The following TNFRSF8 variants were observed in gnomAD, a reference collection of about 807,000 sequenced individuals.
TNFRSF8 encodes TNF receptor superfamily member 8, also known as tumor necrosis factor receptor superfamily member 8.
In TNFRSF8, 26 loss-of-function variants were observed where a neutral mutation model predicts 70.8. The observed-to-expected ratio is 0.37, with a 90% CI of 0.27 to 0.51. TNFRSF8 has a LOEUF of 0.51. TNFRSF8 is among the 20% of genes least tolerant of loss of function. The pLI is 0.94. For missense variants in TNFRSF8, 720 were observed against 807.9 expected, an observed-to-expected ratio of 0.89 and a Z score of 1.32; for synonymous variants, 356 against 339.2, an observed-to-expected ratio of 1.05 and a Z score of -0.54.
intron 2 of TNFRSF8, among the ~76,000 whole-genome samples, chr1:12,093,148 C>A (rs1224533935): frequency 6.6e-6 from 1 of 152,140 alleles, no homozygotes. Flanking sequence ...TTAGATTAGG[C>A]CCACCCTAGC....
chr1:12,134,811 T>C (rs1248610632), intron 12 of TNFRSF8, among the ~76,000 whole-genome samples: 1 of 152,160 alleles, frequency 6.6e-6, no homozygotes, highest in Non-Finnish European at 1.5e-5. Flanking sequence ...AGGTCCTCCA[T>C]GTGGGTTTTG....
intron 8 of TNFRSF8, among the ~76,000 whole-genome samples, chr1:12,118,906 C>A (rs1641782568): frequency 6.6e-6 from 1 of 152,206 alleles, no homozygotes; most frequent in South Asian, 2.1e-4. Flanking sequence ...ACTCTGTCGC[C>A]CAGGCTGGAG....
intron 1 of TNFRSF8, among the ~76,000 whole-genome samples, chr1:12,079,321 C>A (rs921178355): frequency 6.6e-6 from 1 of 152,186 alleles, no homozygotes; most frequent in Non-Finnish European, 1.5e-5. Context: ...AGCTCATTAC[C>A]TTGTGGACAC....
chr1:12,142,625 T>C lies in TNFRSF8; in HGVS notation c.*94T>C. Reference sequence around the variant, plus strand: ...CACCGAGGTTGGGGGCAGAGGCCCATCTGGCCTGAACTGAGGCTCCAGCAT... The same window carrying C: ...CACCGAGGTTGGGGGCAGAGGCCCACCTGGCCTGAACTGAGGCTCCAGCAT... On this transcript the variant is annotated 3_prime_UTR_variant, in exon 15 of 15. Transcript: ENST00000263932. The surrounding 1 kb of genome is among the most constrained non-coding windows in gnomAD (Gnocchi z 5.0). The C allele has an allele frequency of 7.5e-6, 11 of 1,468,998 alleles. No homozygotes were observed. The highest frequency in any genetic ancestry group is 8.2e-6 in the Non-Finnish European group (9 of 1,099,410). The allele number at this position is 1,468,998 out of a possible 1,614,324, so 91.0% of individuals were successfully genotyped here. A position where few individuals can be genotyped will look rare whatever the true frequency, so the allele number is the denominator to read the frequency against.
At chr1:12,094,173 C>A (rs896331760) in intron 2 of TNFRSF8, among the ~76,000 whole-genome samples, 1 of 151,900 alleles carries the variant, frequency 6.6e-6, no homozygotes, top group Non-Finnish European at 1.5e-5. Flanking sequence ...AATTTAGACA[C>A]TGTGAAGATT....
rs1641556883 is a variant in TNFRSF8, at chr1:12,108,017, G to A, written c.422-1549G>A. 6.6e-6 allele frequency among the ~76,000 whole-genome samples: 1 copy of A among 151,658 alleles called. No homozygotes were observed. Reference sequence around the variant, plus strand: ...CCACAGAACACGAGAGGTCAGCATTGCTCGCGCTCACCTCCACGGAAAGCT... The same window carrying A: ...CCACAGAACACGAGAGGTCAGCATTACTCGCGCTCACCTCCACGGAAAGCT... On this transcript the variant is annotated intron_variant, in intron 4 of 14. Transcript: ENST00000263932. The surrounding 1 kb of genome is among the most constrained non-coding windows in gnomAD (Gnocchi z 4.0).
intron 12 of TNFRSF8, among the ~76,000 whole-genome samples, chr1:12,131,720 C>CCAGG (rs1306376042): frequency 2.0e-5 from 3 of 151,990 alleles, no homozygotes. Flanking sequence ...TCTCTAACTC[C>CCAGG]TGAGCTCAAG....
At chr1:12,126,731 G>A (rs984078310) in intron 12 of TNFRSF8, among the ~76,000 whole-genome samples, 3 of 152,220 alleles carry the variant, frequency 2.0e-5, no homozygotes, top group African/African-American at 4.8e-5. Flanking sequence ...CTTACAAGCT[G>A]TGTGACCCTG....
Position 12,110,072 on chromosome 1 carries a change from G to T in TNFRSF8, c.544G>T (p.Val182Leu). 6.2e-7 allele frequency: 1 copy of T among 1,613,186 alleles called. No homozygotes were observed. The highest frequency in any genetic ancestry group is 8.5e-7 in the Non-Finnish European group (1 of 1,179,656). Reference sequence around the variant, plus strand: ...CATCCCCCAGGCCAAGCCCACCCCGGTGTCCCCAGCAACCTCCAGTGCCAG... The same window carrying T: ...CATCCCCCAGGCCAAGCCCACCCCGTTGTCCCCAGCAACCTCCAGTGCCAG... ...GTIPQAKPTPVSPATSSASTM... is the reference protein window; with the variant it reads ...GTIPQAKPTPLSPATSSASTM... The change falls in exon 6 of 15, where the codon GTG (valine) becomes TTG (leucine). Residue 182 changes from valine (V) to leucine (L), a missense_variant. Physicochemically the swap from Val to Leu is conservative, Grantham distance 32. Transcript: ENST00000263932. This position sits in a 1 kb window ranked among gnomAD's most constrained non-coding sequence, Gnocchi z 4.0.
chr1:12,070,004 G>T (rs1640814193), intron 1 of TNFRSF8, among the ~76,000 whole-genome samples: 1 of 152,204 alleles, frequency 6.6e-6, no homozygotes, highest in African/African-American at 2.4e-5. Flanking sequence ...CGGGGTGGCT[G>T]GAGGGAAGTG....
At chr1:12,128,721 C>T (rs563284799) in intron 12 of TNFRSF8, among the ~76,000 whole-genome samples, 1 of 152,272 alleles carries the variant, frequency 6.6e-6, no homozygotes, top group South Asian at 2.1e-4. Flanking sequence ...CGTTGTACAG[C>T]CCCTCTAGAT....
rs748432437 is a variant in TNFRSF8 at position 12,105,939 on chromosome 1, C to CAAA, written c.421+1425_421+1427dup. Among the ~76,000 whole-genome samples, 8 of 64,930 alleles carry CAAA rather than the reference C, an allele frequency of 1.2e-4. No individual in the cohort carries two copies. In the South Asian group the frequency reaches 2.0e-3, roughly 17 times the overall value. 42.6% of individuals were successfully genotyped at this position (64,930 alleles called of 152,430 possible). Reference sequence around the variant, plus strand: ...GGGTGACAAGAGCAAGACTCCGTCTCAAAAAAAAAAAAAAAAAAAGAAAAC... The same window carrying CAAA: ...GGGTGACAAGAGCAAGACTCCGTCTCAAAAAAAAAAAAAAAAAAAAAAGAAAAC... On this transcript the variant is annotated intron_variant, in intron 4 of 14. Coordinates refer to ENST00000263932, the MANE Select transcript of TNFRSF8 (RefSeq NM_001243.5).
At chr1:12,122,243 C>T (rs1265567394) in intron 8 of TNFRSF8, among the ~76,000 whole-genome samples, 1 of 152,028 alleles carries the variant, frequency 6.6e-6, no homozygotes, top group Non-Finnish European at 1.5e-5. Flanking sequence ...GTTGCTTAGG[C>T]TGGTTTCGAA....
rs371131828 is a variant in TNFRSF8 at position 12,141,515 on chromosome 1, G to A, written c.1544-772G>A. Among the ~76,000 whole-genome samples the A allele has an allele frequency of 2.6e-5, 4 of 152,244 alleles. No individual in the cohort carries two copies. Among genetic ancestry groups the A allele is most frequent in the Non-Finnish European group, 5.9e-5 (4 of 68,050 alleles). On this transcript the variant is annotated intron_variant, in intron 14 of 14. Coordinates refer to ENST00000263932, the MANE Select transcript of TNFRSF8 (RefSeq NM_001243.5). The surrounding 1 kb of genome is among the most constrained non-coding windows in gnomAD (Gnocchi z 5.4). ...CCATGCACGCTGCAGGCAGGAGACCGGCTGTGAGCAGTAAGCCCCGAAATT... is the reference window on the plus strand; with the variant it reads ...CCATGCACGCTGCAGGCAGGAGACCAGCTGTGAGCAGTAAGCCCCGAAATT...
At chr1:12,086,549 C>T (rs183485102) in intron 2 of TNFRSF8, among the ~76,000 whole-genome samples, 80 of 147,334 alleles carry the variant, frequency 5.4e-4, no homozygotes, top group African/African-American at 1.9e-3. Flanking sequence ...CCCCTCCCAT[C>T]CCCTTTCCAT....
chr1:12,139,738 CTT>C (rs1642219410), intron 14 of TNFRSF8, among the ~76,000 whole-genome samples: 1 of 152,198 alleles, frequency 6.6e-6, no homozygotes, highest in South Asian at 2.1e-4. Flanking sequence ...GTCATCTTCT[CTT>C]TTTATTTTTT....
intron 4 of TNFRSF8, among the ~76,000 whole-genome samples, chr1:12,105,325 G>A (rs1641500422): frequency 6.6e-6 from 1 of 152,088 alleles, no homozygotes; most frequent in African/African-American, 2.4e-5. Context: ...CCTGGGGATT[G>A]GCAGTCACCC....
Position 12,141,768 on chromosome 1 carries a change from C to T in TNFRSF8, c.1544-519C>T, listed in dbSNP as rs1371055726. The stretch of plus-strand genomic sequence containing the variant: ...GATAGGAGCAGAAAGGGCCACCAGG[C>T]GGAGTGGGTGGTTTTTTTTTGGGGG... On this transcript the variant is annotated intron_variant, in intron 14 of 14. Coordinates refer to ENST00000263932, the MANE Select transcript of TNFRSF8 (RefSeq NM_001243.5). The surrounding 1 kb of genome is among the most constrained non-coding windows in gnomAD (Gnocchi z 5.4). Among the ~76,000 whole-genome samples the T allele has an allele frequency of 2.6e-5, 4 of 152,150 alleles. No homozygotes were observed. The highest frequency in any genetic ancestry group is 1.9e-4 in the East Asian group (1 of 5,188).
intron 12 of TNFRSF8, among the ~76,000 whole-genome samples, chr1:12,131,745 C>T (rs373481368): frequency 5.3e-5 from 8 of 151,942 alleles, no homozygotes; most frequent in East Asian, 1.9e-4. Flanking sequence ...CTGCCCACCT[C>T]GGCCTCCCAA....
Sources: allele counts gnomAD v4.1 joint callset (sites outside exome capture counted in the v4.1 genomes callset), GRCh38; gene constraint gnomAD v4.1.1; non-coding constraint Gnocchi (gnomAD v3.1); transcripts MANE v1.5; gene names NCBI Gene and HGNC (gene_info 2026-07-23, HGNC 2026-07-21).